WTAP: variants seen among roughly 807,000 people sequenced by gnomAD.
WTAP encodes the protein WT1 associated protein.
Under a neutral mutation model 50.0 loss-of-function variants are expected in WTAP, and 8 were observed. The ratio of observed to expected loss-of-function variants is 0.16; its 90% CI spans 0.09 to 0.29. The LOEUF (loss-of-function observed/expected upper bound fraction) is 0.29, where lower values mean the gene tolerates loss of function less well. Among genes scored for constraint, WTAP ranks in the 10% least tolerant of loss-of-function variants. WTAP has a pLI of 1.00. For missense variants in WTAP, 295 were observed against 470.7 expected (o/e 0.63, Z 3.45); for synonymous variants, 194 against 169.0 (o/e 1.15, Z -1.15).
intron 4 of WTAP, among the ~76,000 whole-genome samples, chr6:159,743,084 G>A (rs1410634581): frequency 6.6e-6 from 1 of 152,222 alleles, no homozygotes; most frequent in African/African-American, 2.4e-5. Context: ...GTCTCGCACT[G>A]TTGCCCAGGC....
At chr6:159,754,090 A>T (rs1485453718) in intron 7 of WTAP, among the ~76,000 whole-genome samples, 1 of 152,204 alleles carries the variant, frequency 6.6e-6, no homozygotes, top group East Asian at 1.9e-4. Flanking sequence ...GTCAGCCTCC[A>T]TCCTTTTTAG....
At chr6:159,753,330 G>T in intron 6 of WTAP, 130 bp from the exon 7 acceptor site, 1 of 1,264,582 alleles carries the variant, frequency 7.9e-7, no homozygotes, top group Admixed American at 2.2e-5. Context: ...AAAAGAAGAT[G>T]GTAATTATGG....
At chr6:159,727,751 C>A (rs1232796882) in intron 1 of WTAP, 48 bp downstream of exon 1, 1 of 982,746 alleles carries the variant, frequency 1.0e-6, no homozygotes, top group African/African-American at 1.7e-5. Context: ...ACCTCCGGGG[C>A]CTGAGGGCTG....
intron 3 of WTAP, among the ~76,000 whole-genome samples, chr6:159,740,861 C>T (rs1273557974): frequency 6.6e-6 from 1 of 151,896 alleles, no homozygotes; most frequent in Non-Finnish European, 1.5e-5. Flanking sequence ...GCCACCATGC[C>T]CTGCTAATTT....
chr6:159,755,341 A>AGG lies in WTAP; in HGVS notation c.923_924dup (p.Asn309GlyfsTer22). On this transcript the variant is annotated frameshift_variant, in exon 8 of 8. Transcript: ENST00000621533. LOFTEE classifies it high-confidence loss of function. Reference sequence around the variant, plus strand: ...CCGAAGATGACTTTCCTTCTTCTCCAGGGAATGGTAATAAGTCCTCCAACA... The same window carrying AGG: ...CCGAAGATGACTTTCCTTCTTCTCCAGGGGGAATGGTAATAAGTCCTCCAACA... 1 of 1,614,234 alleles carries AGG rather than the reference A, an allele frequency of 6.2e-7. No individual in the cohort carries two copies.
chr6:159,741,922 A>G (rs1779280819), intron 3 of WTAP, 166 bp from the exon 4 acceptor site: 1 of 538,120 alleles, frequency 1.9e-6, no homozygotes, highest in East Asian at 3.6e-5. Flanking sequence ...GCTGCACTCC[A>G]GCCTGGGGGA....
chr6:159,731,911 T>G (rs572550480), intron 1 of WTAP, among the ~76,000 whole-genome samples: 1 of 152,226 alleles, frequency 6.6e-6, no homozygotes, highest in African/African-American at 2.4e-5. Flanking sequence ...TCATCTCATT[T>G]TTTGCTAAGC....
intron 4 of WTAP, among the ~76,000 whole-genome samples, chr6:159,742,943 C>T (rs1779352497): frequency 6.6e-6 from 1 of 152,116 alleles, no homozygotes. Flanking sequence ...GTCAAGGCTG[C>T]TGCAGTGAGC....
At chr6:159,742,551 TA>T (rs1227348726) in intron 4 of WTAP, among the ~76,000 whole-genome samples, 11 of 152,194 alleles carry the variant, frequency 7.2e-5, no homozygotes, top group Admixed American at 2.6e-4. Context: ...AATCAATATA[TA>T]TAACTTAATA....
At chr6:159,731,149 G>A (rs1265073951) in intron 1 of WTAP, among the ~76,000 whole-genome samples, 3 of 149,508 alleles carry the variant, frequency 2.0e-5, no homozygotes, top group Non-Finnish European at 3.0e-5. Context: ...TCAAAAAAAA[G>A]AAAAAAAGAA....
At chr6:159,746,270 T>C (rs143257956) in intron 5 of WTAP, among the ~76,000 whole-genome samples, 90 of 152,330 alleles carry the variant, frequency 5.9e-4, no homozygotes, top group African/African-American at 2.0e-3. Flanking sequence ...GGGAGTGATG[T>C]ACTATAGGAG....
Position 159,743,645 on chromosome 6 carries a change from A to AT in WTAP, c.146-11dup, listed in dbSNP as rs575642633. 1.5e-4 allele frequency: 237 copies of AT among 1,555,252 alleles called. No homozygotes were observed. The highest frequency in any genetic ancestry group is 4.2e-4 in the Middle Eastern group (2 of 4,804). ...ACTTGATCTTAAAATTGTATTTATAATTTTTTTTTGAATCATCAGCTAATG... is the reference window on the plus strand; with the variant it reads ...ACTTGATCTTAAAATTGTATTTATAATTTTTTTTTTGAATCATCAGCTAATG... On this transcript the variant is annotated intron_variant, in intron 4 of 7. Coordinates refer to ENST00000621533, the MANE Select transcript of WTAP (RefSeq NM_001270531.2).
intron 1 of WTAP, among the ~76,000 whole-genome samples, chr6:159,729,427 A>G (rs546767563): frequency 6.6e-6 from 1 of 152,344 alleles, no homozygotes; most frequent in African/African-American, 2.4e-5. Context: ...TTCATTGTGT[A>G]TTGTGTATAA....
intron 6 of WTAP, among the ~76,000 whole-genome samples, chr6:159,752,856 C>T (rs1779871691): frequency 1.3e-5 from 2 of 152,182 alleles, no homozygotes; most frequent in African/African-American, 4.8e-5. Context: ...CCTCTCACCT[C>T]AGCCTTTCCA....
At chr6:159,740,063 T>C (rs1779157935) in intron 3 of WTAP, among the ~76,000 whole-genome samples, 1 of 152,110 alleles carries the variant, frequency 6.6e-6, no homozygotes, top group South Asian at 2.1e-4. Flanking sequence ...CAGGCTGGTC[T>C]TGAATGCCTG....
In WTAP at chr6:159,755,013, C is replaced by T; in HGVS notation, c.608-15C>T. On this transcript the variant is annotated splice_polypyrimidine_tract_variant and intron_variant, in intron 7 of 7. Coordinates refer to ENST00000621533, the MANE Select transcript of WTAP (RefSeq NM_001270531.2). ...ATAAACGATATTAAAGTTGGTCTGACTCTCCTTTGCACAGAACTGAATGAC... is the reference window on the plus strand; with the variant it reads ...ATAAACGATATTAAAGTTGGTCTGATTCTCCTTTGCACAGAACTGAATGAC... 1 of 1,581,606 alleles carries T rather than the reference C, an allele frequency of 6.3e-7. No homozygotes were observed. Among genetic ancestry groups the T allele is most frequent in the Non-Finnish European group, 8.6e-7 (1 of 1,162,780 alleles).
chr6:159,748,615 G>A lies in WTAP; in HGVS notation c.452+246G>A, dbSNP rs1779706438. ...AGGCCTGATGGCGTCGGACTATTCC[G>A]AAGAAGTGGCCACCTCCGAAAAATT... On this transcript the variant is annotated intron_variant, in intron 6 of 7. Coordinates refer to ENST00000621533, the MANE Select transcript of WTAP (RefSeq NM_001270531.2). The surrounding 1 kb of genome is among the most constrained non-coding windows in gnomAD (Gnocchi z 5.6). The A allele has an allele frequency of 6.2e-6, 8 of 1,298,616 alleles. No individual in the cohort carries two copies. Among genetic ancestry groups the A allele is most frequent in the South Asian group, 2.8e-5 (1 of 35,180 alleles). The allele number at this position is 1,298,616 out of a possible 1,614,324, so 80.4% of individuals were successfully genotyped here.
Position 159,727,589 on chromosome 6 carries a change from G to C in WTAP, c.-123G>C. 1 of 986,932 alleles carries C rather than the reference G, an allele frequency of 1.0e-6. No individual in the cohort carries two copies. Among genetic ancestry groups the C allele is most frequent in the Middle Eastern group, 5.2e-4 (1 of 1,916 alleles). 61.1% of individuals were successfully genotyped at this position (986,932 alleles called of 1,614,324 possible). ...GCGGCGGGACTAGGAGCGCGGCGGG[G>C]CCGGCGGCAGAGCTGTCCGGCTGCG... On this transcript the variant is annotated 5_prime_UTR_variant, in exon 1 of 8. Transcript: ENST00000621533.
chr6:159,744,721 AC>A (rs200737470), intron 5 of WTAP, among the ~76,000 whole-genome samples: 1,572 of 150,922 alleles, frequency 0.01, 23 homozygotes, highest in Middle Eastern at 0.034. Flanking sequence ...TTTCCCACTA[AC>A]CCCCCCGCCC....
Sources: allele counts gnomAD v4.1 joint callset (sites outside exome capture counted in the v4.1 genomes callset), GRCh38; gene constraint gnomAD v4.1.1; non-coding constraint Gnocchi (gnomAD v3.1); transcripts MANE v1.5; gene names NCBI Gene and HGNC (gene_info 2026-07-23, HGNC 2026-07-21).